The following RNF213 variants were observed in gnomAD, a reference collection of about 807,000 sequenced individuals.
The protein encoded by RNF213 is ring finger protein 213, also known as E3 ubiquitin-protein ligase RNF213.
Under a neutral mutation model 514.4 loss-of-function variants are expected in RNF213, and 341 were observed. That is an observed-to-expected ratio of 0.66 (90% confidence interval 0.61 to 0.73). RNF213 has a LOEUF of 0.73. Ranked by LOEUF, RNF213 falls within the 30% of genes least tolerant of loss-of-function variation. The probability of loss-of-function intolerance (pLI) is 0.00; values close to 1 mark genes in which losing one functional copy is unlikely to be tolerated. For synonymous variants in RNF213, 2,655 were observed against 2,658.2 expected (o/e 1.00, Z 0.04); for missense variants, 5,767 against 6,615.6 (o/e 0.87, Z 4.45).
intron 2 of RNF213, among the ~76,000 whole-genome samples, chr17:80,267,243 C>G (rs1233000116): frequency 6.7e-6 from 1 of 150,124 alleles, no homozygotes; most frequent in Non-Finnish European, 1.5e-5. Flanking sequence ...AAAAAAGAGA[C>G]CATCCTGGCC....
rs190425923 is a variant in RNF213, at chr17:80,326,114, G to A, written c.3193+916G>A. ...GCTGGGATTACAGATGTGAGCCACT[G>A]TGCCCAGCAGTTTATTTAATTTTAA... is the stretch of plus-strand genomic sequence containing the variant. On this transcript the variant is annotated intron_variant, in intron 18 of 67. Transcript: ENST00000582970. Among the ~76,000 whole-genome samples the A allele has an allele frequency of 1.5e-3, 231 of 151,922 alleles. 1 individual carries two copies. Among genetic ancestry groups the A allele is most frequent in the Middle Eastern group, 0.01 (3 of 292 alleles).
rs780897039 is a variant in RNF213, at chr17:80,372,578, G to C, written c.12595G>C (p.Glu4199Gln). The C allele has an allele frequency of 1.2e-6, 2 of 1,613,904 alleles. No individual in the cohort carries two copies. The highest frequency in any genetic ancestry group is 2.2e-5 in the East Asian group (1 of 44,890). Residue 4199 changes from glutamate to glutamine, a missense_variant, in exon 48 of 68, where the codon GAA (glutamate) becomes CAA (glutamine). Around this residue, in one of 13 missense-constraint regions of RNF213, gnomAD observed 1,245 missense variants for 1,339.0 expected, o/e 0.93. Transcript: ENST00000582970. ...CAGAAATGATGAACTGAACCACCTA[G>C]AAGAGGAAGGTCGTTTCCTTAAGGC... ...YSRNDELNHL[E>Q]EEGRFLKAYS... is the part of the protein sequence containing the mutation.
rs771084856 is a variant in RNF213 at position 80,289,746 on chromosome 17, A to C, written c.1021A>C (p.Lys341Gln). 6.2e-7 allele frequency: 1 copy of C among 1,614,072 alleles called. No individual in the cohort carries two copies. Among genetic ancestry groups the C allele is most frequent in the South Asian group, 1.1e-5 (1 of 91,074 alleles). Reference sequence around the variant, plus strand: ...ACAAGGGGAGCCTGAAGACCTCAAGAAGCCAGAGGGGAAGAACAGAAGTGC... The same window carrying C: ...ACAAGGGGAGCCTGAAGACCTCAAGCAGCCAGAGGGGAAGAACAGAAGTGC... The part of the protein sequence containing the change: ...NEQGEPEDLK[K>Q]PEGKNRSAAA... Residue 341 changes from lysine (K) to glutamine (Q), a missense_variant, in exon 6 of 68, where the codon AAG becomes CAG. Lys to Gln is a moderately conservative substitution (Grantham distance 53, BLOSUM62 1). Around this residue, in one of 13 missense-constraint regions of RNF213, gnomAD observed 509 missense variants for 496.7 expected, o/e 1.02. Coordinates refer to ENST00000582970, the MANE Select transcript of RNF213 (RefSeq NM_001256071.3).
At chr17:80,391,568 T>C (rs1165284660) in intron 67 of RNF213, among the ~76,000 whole-genome samples, 2 of 152,116 alleles carry the variant, frequency 1.3e-5, no homozygotes, top group African/African-American at 4.8e-5. Context: ...TCTTTTTCTT[T>C]TGCGCTTTGT....
In RNF213 at chr17:80,345,974, G is replaced by T. The variant is rs752176408; in HGVS notation, c.7639G>T (p.Val2547Phe). The T allele has an allele frequency of 2.5e-6, 4 of 1,614,236 alleles. No homozygotes were observed. Among genetic ancestry groups the T allele is most frequent in the Non-Finnish European group, 3.4e-6 (4 of 1,180,050 alleles). ...RLESAGLGYRVSMEETADRLG... is the reference protein window; with the variant it reads ...RLESAGLGYRFSMEETADRLG... ...GGAGTCAGCTGGTTTGGGCTACAGG[G>T]TTAGTATGGAGGAGACGGCCGACAG... Residue 2547 changes from valine (V) to phenylalanine (F), a missense_variant, in exon 29 of 68, where the codon GTT (valine) becomes TTT (phenylalanine). Physicochemically the swap from Val to Phe is conservative, Grantham distance 50. This residue lies in a region of RNF213 where 1,377 missense variants were observed against 1,635.2 expected (regional missense o/e 0.84). Coordinates refer to ENST00000582970, the MANE Select transcript of RNF213 (RefSeq NM_001256071.3). The surrounding 1 kb of genome is among the most constrained non-coding windows in gnomAD (Gnocchi z 6.0).
At chr17:80,336,422 C>T (rs774063932) in intron 23 of RNF213, 44 bp downstream of exon 23, 4 of 1,489,496 alleles carry the variant, frequency 2.7e-6, no homozygotes. Flanking sequence ...TTGAATAGAG[C>T]ATTGCTTAGC....
rs1393515368 is a variant in RNF213, at chr17:80,354,127, C to T, written c.10687C>T (p.Leu3563Phe). 3 of 1,614,094 alleles carry T rather than the reference C, an allele frequency of 1.9e-6. No individual in the cohort carries two copies. Among genetic ancestry groups the T allele is most frequent in the East Asian group, 2.2e-5 (1 of 44,876 alleles). ...SCTRNMRRVV[L>F]LLGLLNEDDA... ...CACGCGCAATATGCGGAGGGTGGTGCTCCTCCTGGGCCTCTTGAATGAGGA... is the reference window on the plus strand; with the variant it reads ...CACGCGCAATATGCGGAGGGTGGTGTTCCTCCTGGGCCTCTTGAATGAGGA... The change falls in exon 35 of 68, where the codon CTC (leucine) becomes TTC (phenylalanine). Residue 3563 changes from leucine (L) to phenylalanine (F), a missense_variant. By Grantham distance (22) the Leu-to-Phe change is conservative (BLOSUM62 0). This residue lies in a region of RNF213 where 919 missense variants were observed against 1,121.0 expected (regional missense o/e 0.82). Coordinates refer to ENST00000582970, the MANE Select transcript of RNF213 (RefSeq NM_001256071.3).
At chr17:80,303,367 C>A (rs2045243921) in intron 11 of RNF213, among the ~76,000 whole-genome samples, 1 of 152,130 alleles carries the variant, frequency 6.6e-6, no homozygotes, top group African/African-American at 2.4e-5. Flanking sequence ...GGCTGGAGAA[C>A]TGAAAGAGAC....
intron 20 of RNF213, among the ~76,000 whole-genome samples, chr17:80,331,408 A>ATTTTT (rs2046412979): frequency 1.2e-5 from 1 of 84,996 alleles, no homozygotes. Flanking sequence ...TTTTTTTTTG[A>ATTTTT]TATGGAGTCT....
rs748198736 is a variant in RNF213, at chr17:80,332,608, G to A, written c.4120G>A (p.Val1374Ile). 8 of 1,507,696 alleles carry A rather than the reference G, an allele frequency of 5.3e-6. No homozygotes were observed. Among genetic ancestry groups the A allele is most frequent in the Non-Finnish European group, 7.1e-6 (8 of 1,132,564 alleles). 93.4% of individuals were successfully genotyped at this position (1,507,696 alleles called of 1,614,324 possible). A position where few individuals can be genotyped will look rare whatever the true frequency, so the allele number is the denominator to read the frequency against. Residue 1374 changes from valine (V) to isoleucine (I), a missense_variant, in exon 21 of 68, where the codon GTT (valine) becomes ATT (isoleucine). Physicochemically the swap from Val to Ile is conservative, Grantham distance 29. This residue lies in a region of RNF213 where 516 missense variants were observed against 566.5 expected (regional missense o/e 0.91). Transcript: ENST00000582970. ...ESLGLNGDFS[V>I]LNTLLNFTDN... The stretch of plus-strand genomic sequence containing the variant: ...CCTGGGACTGAACGGTGACTTCAGT[G>A]TTCTCAACACTTTACTAAATTTTGT...
chr17:80,294,003 G>A (rs1016670532), intron 8 of RNF213, among the ~76,000 whole-genome samples: 4 of 152,186 alleles, frequency 2.6e-5, no homozygotes, highest in Non-Finnish European at 5.9e-5. Flanking sequence ...ATGGCAGGGG[G>A]CTGAGGAGGC....
rs758934124 is a variant in RNF213, at chr17:80,345,811, G to A, written c.7476G>A (p.Thr2492=). The change falls in exon 29 of 68, where the codon ACG becomes ACA. Residue 2492 remains threonine, a synonymous_variant. Coordinates refer to ENST00000582970, the MANE Select transcript of RNF213 (RefSeq NM_001256071.3). This position sits in a 1 kb window ranked among gnomAD's most constrained non-coding sequence, Gnocchi z 6.0. Reference sequence around the variant, plus strand: ...TGTTTTTTGATGAAGCCAACACAACGGAAGCTATAAGCTGTATCAAAGAAG... The same window carrying A: ...TGTTTTTTGATGAAGCCAACACAACAGAAGCTATAAGCTGTATCAAAGAAG... ...TILFFDEANT[T]EAISCIKEVL... 1.3e-5 allele frequency: 21 copies of A among 1,613,996 alleles called. No homozygotes were observed. Among genetic ancestry groups the A allele is most frequent in the East Asian group, 4.5e-5 (2 of 44,898 alleles).
At position 80,368,154 on chromosome 17, in the gene RNF213, C is replaced by T; in HGVS notation, c.12155+11C>T. The T allele has an allele frequency of 6.2e-7, 1 of 1,613,864 alleles. No individual in the cohort carries two copies. The highest frequency in any genetic ancestry group is 8.5e-7 in the Non-Finnish European group (1 of 1,179,686). On this transcript the variant is annotated intron_variant, in intron 44 of 67. Coordinates refer to ENST00000582970, the MANE Select transcript of RNF213 (RefSeq NM_001256071.3). ...TTCCCAAGCGCACAGGTACAACACC[C>T]TTTCTCTCAAGAAAGCATCCTTTTT...
chr17:80,352,094 C>A, intron 32 of RNF213: 1 of 295,886 alleles, frequency 3.4e-6, no homozygotes, highest in East Asian at 8.6e-5. Flanking sequence ...ACCTCATGAT[C>A]CGCTCGCCCC....
At position 80,288,298 on chromosome 17, in the gene RNF213, G is replaced by A; in HGVS notation, c.745G>A (p.Gly249Ser). 1 of 1,613,102 alleles carries A rather than the reference G, an allele frequency of 6.2e-7. No homozygotes were observed. Among genetic ancestry groups the A allele is most frequent in the Non-Finnish European group, 8.5e-7 (1 of 1,180,016 alleles). The change falls in exon 4 of 68, where the codon GGC becomes AGC. Residue 249 changes from glycine to serine, a missense_variant. Physicochemically the swap from Gly to Ser is moderately conservative, Grantham distance 56. Around this residue, in one of 13 missense-constraint regions of RNF213, gnomAD observed 509 missense variants for 496.7 expected, o/e 1.02. Coordinates refer to ENST00000582970, the MANE Select transcript of RNF213 (RefSeq NM_001256071.3). This position sits in a 1 kb window ranked among gnomAD's most constrained non-coding sequence, Gnocchi z 4.9. ...GCTCCTGTTGCCTGAGTCAAAAGGA[G>A]GCAGCTCTGAGCCCGGGACAGAACT... ...QELLLPESKG[G>S]SSEPGTELQT... is the part of the protein sequence containing the mutation.
rs1437787985 is a variant in RNF213, at chr17:80,393,386, G to C, written c.15512G>C (p.Ser5171Thr). The C allele has an allele frequency of 1.2e-6, 2 of 1,614,084 alleles. No homozygotes were observed. The highest frequency in any genetic ancestry group is 3.3e-5 in the Admixed American group (2 of 60,008). ...GTAAGTTACATGCAAACTAAAGAAA[G>C]TGAAATTCTTCCTGAAATGGCATCT... ...TLVSYMQTKE[S>T]EILPEMASQF... The change falls in exon 68 of 68, where the codon AGT becomes ACT. Residue 5171 changes from serine to threonine, a missense_variant. Around this residue, in one of 13 missense-constraint regions of RNF213, gnomAD observed 1,245 missense variants for 1,339.0 expected, o/e 0.93. Coordinates refer to ENST00000582970, the MANE Select transcript of RNF213 (RefSeq NM_001256071.3).
intron 63 of RNF213, among the ~76,000 whole-genome samples, chr17:80,388,345 C>G (rs1016325642): frequency 1.3e-5 from 2 of 152,188 alleles, no homozygotes; most frequent in Non-Finnish European, 2.9e-5. Flanking sequence ...TACCTGTTGC[C>G]CTAGCGCCTC....
At position 80,373,097 on chromosome 17, in the gene RNF213, G is replaced by C; in HGVS notation, c.12874G>C (p.Val4292Leu). The change falls in exon 49 of 68, where the codon GTG becomes CTG. Residue 4292 changes from valine (V) to leucine (L), a missense_variant. Physicochemically the swap from Val to Leu is conservative, Grantham distance 32. Transcript: ENST00000582970. ...KLSSQRGMEF[V>L]QGLSKPGRPH... Reference sequence around the variant, plus strand: ...CAGCAGCCAGCGGGGGATGGAGTTCGTGCAGGGCCTCTCCAAGCCCGGCCG... The same window carrying C: ...CAGCAGCCAGCGGGGGATGGAGTTCCTGCAGGGCCTCTCCAAGCCCGGCCG... 6.2e-7 allele frequency: 1 copy of C among 1,613,740 alleles called. No homozygotes were observed.
intron 44 of RNF213, among the ~76,000 whole-genome samples, chr17:80,368,876 T>C (rs2079390518): frequency 6.6e-6 from 1 of 152,242 alleles, no homozygotes; most frequent in East Asian, 1.9e-4. Flanking sequence ...CTGTGAGTGG[T>C]TGGTTTTCTT....
Sources: gnomAD v4.1 joint callset for allele counts (sites outside exome capture counted in the v4.1 genomes callset) on GRCh38, gnomAD v4.1.1 for gene constraint, gnomAD v4.1.1 regional missense constraint, Gnocchi (gnomAD v3.1) non-coding constraint, MANE v1.5 for transcripts, NCBI Gene and HGNC (gene_info 2026-07-23, HGNC 2026-07-21) for gene names.